KLF8: variants seen among roughly 807,000 people sequenced by gnomAD.
The protein encoded by KLF8 is KLF transcription factor 8.
A neutral mutation model predicts 18.2 loss-of-function variants in KLF8; 10 were observed. The observed-to-expected ratio is 0.55, with a 90% CI of 0.34 to 0.93. The LOEUF (loss-of-function observed/expected upper bound fraction) is 0.93. Ranked by LOEUF, KLF8 falls within the 40% of genes least tolerant of loss-of-function variation. KLF8 has a pLI of 0.02. For synonymous variants in KLF8, 109 were observed against 97.3 expected, an observed-to-expected ratio of 1.12 and a Z score of -0.71; for missense variants, 264 against 277.9, an observed-to-expected ratio of 0.95 and a Z score of 0.36.
At chrX:56,013,644 G>T in the KLF8 span, among the ~76,000 whole-genome samples, 1 of 110,537 alleles carries the variant, frequency 9.0e-6, no homozygotes, top group Non-Finnish European at 1.9e-5. Context: ...TCTTTTTTTC[G>T]TTATGATAGT....
the KLF8 span, among the ~76,000 whole-genome samples, chrX:56,171,115 C>A: frequency 9.0e-6 from 1 of 111,658 alleles, no homozygotes; most frequent in Non-Finnish European, 1.9e-5. Flanking sequence ...TGTAGAAAAA[C>A]AGAATATTAT....
At chrX:56,027,522 G>A in the KLF8 span, among the ~76,000 whole-genome samples, 3 of 112,580 alleles carry the variant, frequency 2.7e-5, no homozygotes, top group Non-Finnish European at 3.8e-5. Flanking sequence ...AATGTTTACA[G>A]TCTTACCTTC....
the KLF8 span, among the ~76,000 whole-genome samples, chrX:56,015,442 C>T: frequency 8.9e-6 from 1 of 112,027 alleles, no homozygotes; most frequent in Non-Finnish European, 1.9e-5. Context: ...ATGTGAATTT[C>T]CTTGGTAACT....
At chrX:56,057,364 C>T in the KLF8 span, among the ~76,000 whole-genome samples, 1 of 111,269 alleles carries the variant, frequency 9.0e-6, no homozygotes, top group Non-Finnish European at 1.9e-5. Flanking sequence ...TGTATATTTG[C>T]TGTAGCAGTG....
Position 56,267,220 on chromosome X carries a change from A to G in KLF8, c.646+1476A>G, listed in dbSNP as rs775574500. On this transcript the variant is annotated intron_variant, in intron 3 of 5. Coordinates refer to ENST00000468660, the MANE Select transcript of KLF8 (RefSeq NM_007250.5). ...GTTCCAAGCTAAGGGCATTGGCCCA[A>G]TGGTGTCTGTATTAGTTCGTTTTCA... 155 of 749,272 alleles carry G rather than the reference A, an allele frequency of 2.1e-4. No individual in the cohort carries two copies. In the African/African-American group the frequency reaches 2.9e-3, roughly 14 times the overall value. 61.7% of individuals were successfully genotyped at this position (749,272 alleles called of 1,213,427 possible).
the KLF8 span, among the ~76,000 whole-genome samples, chrX:56,053,916 G>T: frequency 9.1e-6 from 1 of 110,200 alleles, no homozygotes. Context: ...ATTCTAGCTA[G>T]CTATGCACTT....
the KLF8 span, among the ~76,000 whole-genome samples, chrX:56,000,139 C>G: frequency 1.8e-5 from 2 of 111,127 alleles, no homozygotes; most frequent in African/African-American, 6.5e-5. Context: ...TGTGGTTAAT[C>G]ACATTTATTG....
chrX:55,994,721 G>T, the KLF8 span, among the ~76,000 whole-genome samples: 1 of 111,712 alleles, frequency 9.0e-6, no homozygotes, highest in Non-Finnish European at 1.9e-5. Flanking sequence ...CAATGTAATT[G>T]TATGGTTTTT....
chrX:55,975,273 G>A, the KLF8 span, among the ~76,000 whole-genome samples: 15 of 111,343 alleles, frequency 1.3e-4, no homozygotes, highest in Admixed American at 1.4e-3. Flanking sequence ...ACCCTGAAGA[G>A]AGAATGCATT....
At chrX:56,160,672 C>T in the KLF8 span, among the ~76,000 whole-genome samples, 7 of 111,251 alleles carry the variant, frequency 6.3e-5, no homozygotes, top group Non-Finnish European at 1.3e-4. Context: ...TTGATCTTTG[C>T]TGGTTTAAAA....
At chrX:55,924,034 C>T in the KLF8 span, among the ~76,000 whole-genome samples, 1 of 110,837 alleles carries the variant, frequency 9.0e-6, no homozygotes, top group African/African-American at 3.3e-5. Context: ...AGAAGCCTTC[C>T]TTGACGGTTC....
the KLF8 span, among the ~76,000 whole-genome samples, chrX:56,048,232 A>G: frequency 9.0e-6 from 1 of 111,474 alleles, no homozygotes; most frequent in Non-Finnish European, 1.9e-5. Context: ...GTTCACTCTG[A>G]TGATGATTTC....
the KLF8 span, among the ~76,000 whole-genome samples, chrX:56,107,508 A>G: frequency 9.0e-6 from 1 of 111,654 alleles, no homozygotes; most frequent in East Asian, 2.8e-4. Context: ...GGCTCCATGG[A>G]CATGGGACCC....
chrX:55,989,193 T>C, the KLF8 span, among the ~76,000 whole-genome samples: 1 of 111,958 alleles, frequency 8.9e-6, no homozygotes, highest in Non-Finnish European at 1.9e-5. Flanking sequence ...GTACCCTTTA[T>C]TTCCTTCTCC....
the KLF8 span, among the ~76,000 whole-genome samples, chrX:56,085,719 A>C: frequency 8.9e-6 from 1 of 112,445 alleles, no homozygotes; most frequent in Non-Finnish European, 1.9e-5. Context: ...AGAAAAACAC[A>C]CATGCAATAT....
At position 56,284,771 on chromosome X, in the gene KLF8, C is replaced by G. The variant is rs1353469560; in HGVS notation, c.*277C>G. 1 of 260,549 alleles carries G rather than the reference C, an allele frequency of 3.8e-6. No individual in the cohort carries two copies. Among genetic ancestry groups the G allele is most frequent in the East Asian group, 5.7e-5 (1 of 17,483 alleles). 21.5% of individuals were successfully genotyped at this position (260,549 alleles called of 1,213,427 possible). A position where few individuals can be genotyped will look rare whatever the true frequency, so the allele number is the denominator to read the frequency against. ...GGCTGCCTTCCCATCCCCCCCTGCT[C>G]TGAAATAGGACATTTTTCCTACAGT... On this transcript the variant is annotated 3_prime_UTR_variant, in exon 6 of 6. Coordinates refer to ENST00000468660, the MANE Select transcript of KLF8 (RefSeq NM_007250.5).
chrX:55,989,367 G>A, the KLF8 span, among the ~76,000 whole-genome samples: 1 of 112,246 alleles, frequency 8.9e-6, no homozygotes, highest in African/African-American at 3.2e-5. Flanking sequence ...ATTATTTTGA[G>A]ATAAGTCCCA....
chrX:56,052,224 A>T, the KLF8 span, among the ~76,000 whole-genome samples: 1 of 110,945 alleles, frequency 9.0e-6, no homozygotes, highest in African/African-American at 3.3e-5. Flanking sequence ...ATGTCCTCCC[A>T]TAGCTCAGAG....
chrX:56,043,771 G>A, the KLF8 span, among the ~76,000 whole-genome samples: 2 of 112,262 alleles, frequency 1.8e-5, no homozygotes, highest in Non-Finnish European at 3.8e-5. Flanking sequence ...CAGCGAAGTT[G>A]ATTATTACCC....
Sources: allele counts gnomAD v4.1 joint callset (sites outside exome capture counted in the v4.1 genomes callset), GRCh38; gene constraint gnomAD v4.1.1; transcripts MANE v1.5; gene names NCBI Gene and HGNC (gene_info 2026-07-23, HGNC 2026-07-21).